Variants in TRAK1 observed in about 807,000 individuals in gnomAD.
TRAK1 encodes the protein trafficking kinesin-binding protein 1.
Under a neutral mutation model 92.1 loss-of-function variants are expected in TRAK1, and 33 were observed. That is an observed-to-expected ratio of 0.36 (90% confidence interval 0.27 to 0.48). The LOEUF is 0.48. Ranked by LOEUF, TRAK1 falls within the 20% of genes least tolerant of loss-of-function variation. TRAK1 has a pLI of 0.99. For missense variants in TRAK1, 1,123 were observed against 1,257.9 expected, an observed-to-expected ratio of 0.89 and a Z score of 1.62; for synonymous variants, 521 against 517.3, an observed-to-expected ratio of 1.01 and a Z score of -0.10.
chr3:42,131,744 T>A (rs1246818841), intron 2 of TRAK1, among the ~76,000 whole-genome samples: 2 of 143,066 alleles, frequency 1.4e-5, no homozygotes, highest in East Asian at 2.2e-4. Context: ...CAAATAAAAA[T>A]AAATAAAATT....
At chr3:42,215,263 A>G (rs1458018503) in intron 14 of TRAK1, among the ~76,000 whole-genome samples, 1 of 152,122 alleles carries the variant, frequency 6.6e-6, no homozygotes, top group East Asian at 1.9e-4. Context: ...GTTTAATGGA[A>G]AGGGAACTGT....
chr3:42,108,562 A>AC (rs1483357493), intron 1 of TRAK1, among the ~76,000 whole-genome samples: 1 of 151,206 alleles, frequency 6.6e-6, no homozygotes, highest in Non-Finnish European at 1.5e-5. Flanking sequence ...CCACATCATG[A>AC]CCCTGACAAG....
At chr3:42,143,711 A>G (rs968318846) in intron 2 of TRAK1, among the ~76,000 whole-genome samples, 3 of 152,006 alleles carry the variant, frequency 2.0e-5, no homozygotes, top group African/African-American at 7.3e-5. Flanking sequence ...GTGTCAGGTC[A>G]TGGTAGGGAG....
At chr3:42,171,689 T>C (rs1444447885) in intron 2 of TRAK1, among the ~76,000 whole-genome samples, 1 of 152,076 alleles carries the variant, frequency 6.6e-6, no homozygotes, top group East Asian at 1.9e-4. Context: ...ACCACCTTTG[T>C]TTTCTTCCCA....
intron 7 of TRAK1, among the ~76,000 whole-genome samples, chr3:42,192,449 A>C (rs1437652046): frequency 6.6e-6 from 1 of 152,212 alleles, no homozygotes; most frequent in African/African-American, 2.4e-5. Flanking sequence ...CAAAGTACTA[A>C]GTATTTTGCA....
At chr3:42,064,598 A>G (rs1703598774) in intron 1 of TRAK1, among the ~76,000 whole-genome samples, 2 of 152,212 alleles carry the variant, frequency 1.3e-5, no homozygotes. Flanking sequence ...ACAAATACAT[A>G]ATAAATACTT....
chr3:42,113,368 GCCTACCCCTACC>G (rs199566316), intron 1 of TRAK1, among the ~76,000 whole-genome samples: 5 of 128,878 alleles, frequency 3.9e-5, no homozygotes, highest in East Asian at 2.6e-4. Context: ...CTACGCCTAC[GCCTACCCCTACC>G]CCTACCCCTA....
chr3:42,110,093 AG>A (rs1708150987), intron 1 of TRAK1, among the ~76,000 whole-genome samples: 2 of 37,678 alleles, frequency 5.3e-5, no homozygotes, highest in African/African-American at 1.2e-4. Flanking sequence ...TAGAACTTAA[AG>A]TATATATATA....
At chr3:42,127,829 GA>G (rs1278124026) in intron 2 of TRAK1, among the ~76,000 whole-genome samples, 1 of 152,176 alleles carries the variant, frequency 6.6e-6, no homozygotes, top group African/African-American at 2.4e-5. Context: ...ATGGATGTGT[GA>G]AAGGCTCAGT....
At chr3:42,182,291 A>C (rs931454898) in intron 3 of TRAK1, among the ~76,000 whole-genome samples, 18 of 125,100 alleles carry the variant, frequency 1.4e-4, no homozygotes, top group Non-Finnish European at 1.6e-5. Flanking sequence ...GGGGATTTGC[A>C]ACTCTCTCTT....
chr3:42,119,786 C>T (rs906552651), intron 1 of TRAK1, among the ~76,000 whole-genome samples: 1 of 152,052 alleles, frequency 6.6e-6, no homozygotes, highest in Non-Finnish European at 1.5e-5. Context: ...GCTGGTTGGC[C>T]GTGGGCCCAG....
chr3:42,049,037 A>G (rs1199148434), intron 1 of TRAK1, among the ~76,000 whole-genome samples: 1 of 151,586 alleles, frequency 6.6e-6, no homozygotes, highest in Non-Finnish European at 1.5e-5. Flanking sequence ...ACAGGTGCCC[A>G]CCATCATGCC....
intron 13 of TRAK1, 95 bp from the exon 14 acceptor site, chr3:42,209,672 G>T: frequency 7.8e-7 from 1 of 1,284,666 alleles, no homozygotes; most frequent in Non-Finnish European, 1.1e-6. Flanking sequence ...TTCACGCTAA[G>T]CACTTTGAGG....
intron 1 of TRAK1, among the ~76,000 whole-genome samples, chr3:42,092,629 C>T (rs1016906642): frequency 4.0e-5 from 6 of 151,780 alleles, no homozygotes; most frequent in African/African-American, 9.7e-5. Flanking sequence ...GTAGCCCTGC[C>T]TGGGAGGACT....
Position 42,023,315 on chromosome 3 carries a change from C to T in TRAK1, c.-519+9198C>T, listed in dbSNP as rs115462577. On this transcript the variant is annotated intron_variant, in intron 1 of 16. Transcript: ENST00000487159. ...CACAAGCAAGTTTGAGAATTTCCCT[C>T]ACAAACTCAAGTTGCATCCACATTA... 3.2e-3 allele frequency among the ~76,000 whole-genome samples: 484 copies of T among 152,238 alleles called. 2 individuals are homozygous for T. The highest frequency in any genetic ancestry group is 5.1e-3 in the Non-Finnish European group (347 of 68,018).
intron 14 of TRAK1, chr3:42,218,801 AG>A (rs774693872): frequency 6.8e-5 from 67 of 985,440 alleles, no homozygotes; most frequent in Admixed American, 4.3e-4. Flanking sequence ...GCTAGCAGCT[AG>A]GGGGTATGGG....
intron 2 of TRAK1, among the ~76,000 whole-genome samples, chr3:42,167,773 G>C (rs550747314): frequency 1.3e-5 from 2 of 152,120 alleles, no homozygotes; most frequent in Non-Finnish European, 2.9e-5. Context: ...CCAGCTACTC[G>C]GGAGGCTGAG....
At chr3:42,160,133 AGGCTCATAGGAG>A (rs2149297426) in intron 2 of TRAK1, 1 of 883,734 alleles carries the variant, frequency 1.1e-6, no homozygotes. Context: ...CCCCTCCTCC[AGGCTCATAGGAG>A]CCACCCCCTT....
chr3:42,179,517 C>G lies in TRAK1; in HGVS notation c.363+2627C>G, dbSNP rs777769309. Among the ~76,000 whole-genome samples, 54 of 152,214 alleles carry G rather than the reference C, an allele frequency of 3.5e-4. 1 individual carries two copies. The highest frequency in any genetic ancestry group is 5.0e-4 in the Non-Finnish European group (34 of 68,040). On this transcript the variant is annotated intron_variant, in intron 3 of 15. Coordinates refer to ENST00000327628, the MANE Select transcript of TRAK1 (RefSeq NM_001042646.3). ...CACCTTTGGGCAGAGCTTGCCTCCTCCTCGGTTACAGAGAGGGTGATTCCA... is the reference window on the plus strand; with the variant it reads ...CACCTTTGGGCAGAGCTTGCCTCCTGCTCGGTTACAGAGAGGGTGATTCCA...
Sources: allele counts gnomAD v4.1 joint callset (sites outside exome capture counted in the v4.1 genomes callset), GRCh38; gene constraint gnomAD v4.1.1; transcripts MANE v1.5; gene names NCBI Gene and HGNC (gene_info 2026-07-23, HGNC 2026-07-21).